Variants in PRKCH observed in about 807,000 individuals in gnomAD.
The protein encoded by PRKCH is protein kinase C eta type.
A neutral mutation model predicts 82.5 loss-of-function variants in PRKCH; 28 were observed. The observed-to-expected ratio is 0.34, with a 90% confidence interval of 0.25 to 0.47. The LOEUF (loss-of-function observed/expected upper bound fraction) is 0.47. Among genes scored for constraint, PRKCH ranks in the 20% least tolerant of loss-of-function variants. The pLI, the probability that PRKCH is intolerant of heterozygous loss-of-function variation, is 1.00. For missense variants in PRKCH, 705 were observed against 881.8 expected, an observed-to-expected ratio of 0.80 and a Z score of 2.54; for synonymous variants, 322 against 327.4, an observed-to-expected ratio of 0.98 and a Z score of 0.18.
intron 1 of PRKCH, among the ~76,000 whole-genome samples, chr14:61,217,221 A>G (rs78500500): frequency 0.015 from 2,329 of 152,150 alleles, 69 homozygotes; most frequent in African/African-American, 0.054. Context: ...AGTCTCTCCC[A>G]TCTCTAAAAA....
intron 1 of PRKCH, among the ~76,000 whole-genome samples, chr14:61,265,110 T>A (rs2045086065): frequency 6.6e-6 from 1 of 152,204 alleles, no homozygotes; most frequent in South Asian, 2.1e-4. Context: ...ATAACCTTTT[T>A]CAAATTCTCA....
At chr14:61,403,985 C>A (rs1304133188) in intron 2 of PRKCH, among the ~76,000 whole-genome samples, 1 of 152,134 alleles carries the variant, frequency 6.6e-6, no homozygotes, top group African/African-American at 2.4e-5. Context: ...TTCCAGCAAC[C>A]CCTTATCTCT....
chr14:61,327,636 C>G (rs530007201), intron 1 of PRKCH, among the ~76,000 whole-genome samples: 1 of 152,100 alleles, frequency 6.6e-6, no homozygotes, highest in Non-Finnish European at 1.5e-5. Context: ...TGTTGTCTTT[C>G]GTTGCACTCA....
At chr14:61,189,459 T>C (rs1293662715) in intron 1 of PRKCH, among the ~76,000 whole-genome samples, 1 of 152,202 alleles carries the variant, frequency 6.6e-6, no homozygotes, top group African/African-American at 2.4e-5. Flanking sequence ...TCTGCCTGCC[T>C]TGAGATGCTT....
chr14:61,449,352 T>C, intron 5 of PRKCH, 100 bp downstream of exon 5: 1 of 1,010,340 alleles, frequency 9.9e-7, no homozygotes, highest in Non-Finnish European at 1.5e-6. Context: ...CCCCCTCTTT[T>C]CCTTCTCCCC....
At chr14:61,392,449 C>G (rs1184829651) in intron 2 of PRKCH, among the ~76,000 whole-genome samples, 2 of 152,130 alleles carry the variant, frequency 1.3e-5, no homozygotes. Context: ...CGTAGACATT[C>G]TAGTGGGTAT....
chr14:61,345,704 A>T (rs1054435571), intron 1 of PRKCH, among the ~76,000 whole-genome samples: 3 of 152,244 alleles, frequency 2.0e-5, no homozygotes, highest in Non-Finnish European at 4.4e-5. Context: ...TTCTCTTATT[A>T]TCCTCCTCTT....
At chr14:61,258,292 T>C (rs1309167447) in intron 1 of PRKCH, among the ~76,000 whole-genome samples, 1 of 152,182 alleles carries the variant, frequency 6.6e-6, no homozygotes, top group Non-Finnish European at 1.5e-5. Flanking sequence ...AAACATTTTA[T>C]TAAGGGGAAA....
At position 61,512,086 on chromosome 14, in the gene PRKCH, A is replaced by G. The variant is rs528531288; in HGVS notation, c.1434-16989A>G. Reference sequence around the variant, plus strand: ...TTTGAGGAATAGAGTTCCTTTTCTAATGGGAAAATATATCACTTGTCATGT... The same window carrying G: ...TTTGAGGAATAGAGTTCCTTTTCTAGTGGGAAAATATATCACTTGTCATGT... On this transcript the variant is annotated intron_variant, in intron 10 of 13. Transcript: ENST00000332981. Among the ~76,000 whole-genome samples the G allele has an allele frequency of 1.6e-3, 245 of 152,092 alleles. 1 individual carries two copies. The highest frequency in any genetic ancestry group is 2.8e-3 in the Non-Finnish European group (190 of 68,004).
At chr14:61,510,398 C>T (rs1386605293) in intron 10 of PRKCH, among the ~76,000 whole-genome samples, 1 of 151,400 alleles carries the variant, frequency 6.6e-6, no homozygotes, top group African/African-American at 2.4e-5. Flanking sequence ...TTGGGGCAAG[C>T]CAGTAATGGT....
chr14:61,452,493 TAAC>T (rs1284454468), intron 6 of PRKCH, among the ~76,000 whole-genome samples: 2 of 152,222 alleles, frequency 1.3e-5, no homozygotes, highest in Non-Finnish European at 2.9e-5. Flanking sequence ...TTCCAGCTGA[TAAC>T]GCCTCAGATC....
At chr14:61,324,562 A>G (rs1290525096) in intron 1 of PRKCH, among the ~76,000 whole-genome samples, 2 of 152,164 alleles carry the variant, frequency 1.3e-5, no homozygotes, top group Non-Finnish European at 2.9e-5. Context: ...ATCTTGTTAA[A>G]AAAATTTGGA....
chr14:61,199,173 C>T (rs183800159), intron 1 of PRKCH, among the ~76,000 whole-genome samples: 34 of 152,296 alleles, frequency 2.2e-4, no homozygotes, highest in Non-Finnish European at 2.6e-4. Flanking sequence ...ATCAATTTAA[C>T]ATTGAATGGT....
intron 2 of PRKCH, among the ~76,000 whole-genome samples, chr14:61,397,681 CA>C (rs2046806631): frequency 6.6e-6 from 1 of 152,152 alleles, no homozygotes; most frequent in African/African-American, 2.4e-5. Context: ...ACTGTTTCAC[CA>C]GATTGTTTAC....
intron 12 of PRKCH, among the ~76,000 whole-genome samples, chr14:61,545,738 A>T (rs983491971): frequency 1.3e-5 from 2 of 152,214 alleles, no homozygotes; most frequent in African/African-American, 4.8e-5. Context: ...CCAAGGGTGC[A>T]GTTTTTAGAG....
chr14:61,221,399 C>G (rs1248601732), intron 1 of PRKCH, among the ~76,000 whole-genome samples: 1 of 152,050 alleles, frequency 6.6e-6, no homozygotes, highest in African/African-American at 2.4e-5. Flanking sequence ...TTTCTTCTCT[C>G]TCATCTTCAT....
chr14:61,262,825 A>G (rs2045061610), intron 1 of PRKCH, among the ~76,000 whole-genome samples: 1 of 152,172 alleles, frequency 6.6e-6, no homozygotes, highest in African/African-American at 2.4e-5. Context: ...AAGCCAAATT[A>G]ATTAAGGATA....
At chr14:61,474,777 CA>C (rs1203882632) in intron 9 of PRKCH, among the ~76,000 whole-genome samples, 1 of 152,150 alleles carries the variant, frequency 6.6e-6, no homozygotes. Context: ...TTTTGTTCCC[CA>C]GCCAGAGGAC....
intron 1 of PRKCH, among the ~76,000 whole-genome samples, chr14:61,267,112 C>A (rs1307732924): frequency 6.6e-6 from 1 of 152,158 alleles, no homozygotes; most frequent in African/African-American, 2.4e-5. Context: ...TTCACTCTGA[C>A]AATACGTTCA....
Sources: gnomAD v4.1 joint callset for allele counts (sites outside exome capture counted in the v4.1 genomes callset) on GRCh38, gnomAD v4.1.1 for gene constraint, MANE v1.5 for transcripts, NCBI Gene and HGNC (gene_info 2026-07-23, HGNC 2026-07-21) for gene names.